Variants in ANKRD66 observed in about 807,000 individuals in gnomAD.
ANKRD66 encodes ankyrin repeat domain 66.
A neutral mutation model predicts 10.9 loss-of-function variants in ANKRD66; 10 were observed. The observed-to-expected ratio is 0.91, with a 90% CI of 0.56 to 1.55. The LOEUF (loss-of-function observed/expected upper bound fraction) is 1.55, where lower values mean the gene tolerates loss of function less well. ANKRD66 is among the 40% of genes most tolerant of loss of function. The probability of loss-of-function intolerance (pLI) is 0.00; values close to 1 mark genes in which losing one functional copy is unlikely to be tolerated. For synonymous variants in ANKRD66, 85 were observed against 88.4 expected, an observed-to-expected ratio of 0.96 and a Z score of 0.22; for missense variants, 252 against 242.9, an observed-to-expected ratio of 1.04 and a Z score of -0.25.
At chr6:46,753,997 G>A in intron 4 of ANKRD66, 47 bp downstream of exon 4, 5 of 1,478,322 alleles carry the variant, frequency 3.4e-6, no homozygotes, top group Non-Finnish European at 4.6e-6. Context: ...AGGAACAGGA[G>A]TCTGTGATCA....
At position 46,746,937 on chromosome 6, in the gene ANKRD66, C is replaced by T. The variant is rs560054942; in HGVS notation, c.-150C>T. The T allele has an allele frequency of 1.2e-5, 19 of 1,535,328 alleles. No homozygotes were observed. The highest frequency in any genetic ancestry group is 1.2e-4 in the Admixed American group (6 of 50,978). On this transcript the variant is annotated 5_prime_UTR_variant, in exon 1 of 5. Coordinates refer to ENST00000565422, the MANE Select transcript of ANKRD66 (RefSeq NM_001162435.3). ...TTTCCATGGCATGGACACAACACTC[C>T]GGATGGTTAGGACTGCCTGTCAGCA...
At chr6:46,748,626 C>T (rs1766194601) in intron 1 of ANKRD66, among the ~76,000 whole-genome samples, 1 of 152,184 alleles carries the variant, frequency 6.6e-6, no homozygotes, top group Non-Finnish European at 1.5e-5. Flanking sequence ...ATAGTATGTA[C>T]AGAGCATCTA....
chr6:46,748,995 A>G (rs763734884), intron 1 of ANKRD66, among the ~76,000 whole-genome samples: 1 of 152,230 alleles, frequency 6.6e-6, no homozygotes, highest in Non-Finnish European at 1.5e-5. Flanking sequence ...CTAGCACACT[A>G]TGGTCTACAG....
At chr6:46,749,778 C>T in intron 1 of ANKRD66, 118 bp from the exon 2 acceptor site, 1 of 1,290,650 alleles carries the variant, frequency 7.7e-7, no homozygotes, top group Non-Finnish European at 1.0e-6. Flanking sequence ...CAGCTTAGGC[C>T]ACTTTTAGAG....
intron 3 of ANKRD66, among the ~76,000 whole-genome samples, chr6:46,752,972 T>G (rs576758627): frequency 6.6e-6 from 1 of 152,208 alleles, no homozygotes; most frequent in Non-Finnish European, 1.5e-5. Context: ...TTGTGATTCT[T>G]GTGTGGAGAA....
chr6:46,748,265 TA>T (rs1161170406), intron 1 of ANKRD66, among the ~76,000 whole-genome samples: 1 of 152,228 alleles, frequency 6.6e-6, no homozygotes, highest in Non-Finnish European at 1.5e-5. Flanking sequence ...TATGATTTTT[TA>T]GAATCGGCTT....
At chr6:46,750,034 G>C in intron 2 of ANKRD66, 55 bp downstream of exon 2, 1 of 888,070 alleles carries the variant, frequency 1.1e-6, no homozygotes, top group Non-Finnish European at 1.8e-6. Context: ...CCCAGGGGCT[G>C]CTGCTGCTGC....
intron 2 of ANKRD66, among the ~76,000 whole-genome samples, chr6:46,751,320 C>T (rs1766264208): frequency 6.6e-6 from 1 of 152,150 alleles, no homozygotes; most frequent in South Asian, 2.1e-4. Context: ...TGAAAGTGCT[C>T]CAGGGATTTC....
intron 4 of ANKRD66, chr6:46,757,000 G>A (rs1199069858): frequency 6.6e-6 from 1 of 152,140 alleles, no homozygotes; most frequent in Non-Finnish European, 1.5e-5. Context: ...GGATCAACAT[G>A]AAATATGATC....
intron 4 of ANKRD66, chr6:46,756,040 A>G: frequency 2.3e-6 from 1 of 437,912 alleles, no homozygotes; most frequent in South Asian, 1.7e-5. Flanking sequence ...CTGAAACTCC[A>G]CACCCATTAA....
rs1051248654 is a variant in ANKRD66, at chr6:46,759,017, C to G, written c.*96C>G. ...CCTTTCCATGACTTTACTCATAGAC[C>G]CTTACCCACCTGGCTTCTGCCCATG... On this transcript the variant is annotated 3_prime_UTR_variant, in exon 5 of 5. Transcript: ENST00000565422. The G allele has an allele frequency of 1.6e-6, 2 of 1,246,812 alleles. No homozygotes were observed. The highest frequency in any genetic ancestry group is 2.2e-6 in the Non-Finnish European group (2 of 915,604). 77.2% of individuals were successfully genotyped at this position (1,246,812 alleles called of 1,614,324 possible). A position where few individuals can be genotyped will look rare whatever the true frequency, so the allele number is the denominator to read the frequency against.
rs1190448814 is a variant in ANKRD66, at chr6:46,751,966, G to A, written c.18G>A (p.Met6Ile). The change falls in exon 3 of 5, where the codon ATG becomes ATA. Residue 6 changes from methionine (M) to isoleucine (I), a missense_variant. Met to Ile is a conservative substitution (Grantham distance 10, BLOSUM62 1). Coordinates refer to ENST00000565422, the MANE Select transcript of ANKRD66 (RefSeq NM_001162435.3). Reference protein sequence around the residue: MELAKMSDMTKLHQAV... With the variant: MELAKISDMTKLHQAV... Reference sequence around the variant, plus strand: ...TTTCTGCCATGGAATTGGCCAAAATGTCAGACATGACAAAGCTTCACCAAG... The same window carrying A: ...TTTCTGCCATGGAATTGGCCAAAATATCAGACATGACAAAGCTTCACCAAG... 5.4e-6 allele frequency: 8 copies of A among 1,468,122 alleles called. No homozygotes were observed. The highest frequency in any genetic ancestry group is 7.2e-6 in the Non-Finnish European group (8 of 1,112,462). The allele number at this position is 1,468,122 out of a possible 1,614,324, so 90.9% of individuals were successfully genotyped here.
At position 46,747,068 on chromosome 6, in the gene ANKRD66, T is replaced by C. The variant is rs530079360; in HGVS notation, c.-97+78T>C. The C allele has an allele frequency of 3.5e-4, 490 of 1,411,120 alleles. 1 individual carries two copies. In the African/African-American group the frequency reaches 6.0e-3, roughly 17 times the overall value. The allele number at this position is 1,411,120 out of a possible 1,614,324, so 87.4% of individuals were successfully genotyped here. A position where few individuals can be genotyped will look rare whatever the true frequency, so the allele number is the denominator to read the frequency against. ...TCACATTTATTAAAACTGATATTTA[T>C]TGACTACTTTGCACTTGATTTCCTA... On this transcript the variant is annotated intron_variant, in intron 1 of 4. Transcript: ENST00000565422.
At chr6:46,749,850 G>C in intron 1 of ANKRD66, 46 bp from the exon 2 acceptor site, 1 of 1,533,084 alleles carries the variant, frequency 6.5e-7, no homozygotes, top group South Asian at 1.2e-5. Context: ...TGGGCATTTA[G>C]GGCATTGCAT....
chr6:46,753,308 G>C (rs1489705129), intron 3 of ANKRD66, among the ~76,000 whole-genome samples: 1 of 152,228 alleles, frequency 6.6e-6, no homozygotes, highest in Non-Finnish European at 1.5e-5. Flanking sequence ...CTCTTAACCT[G>C]TGTTATTTAT....
chr6:46,750,016 A>G (rs1333736561), intron 2 of ANKRD66, 37 bp downstream of exon 2: 1 of 1,150,268 alleles, frequency 8.7e-7, no homozygotes, highest in South Asian at 1.3e-5. Context: ...TTGCATTTCT[A>G]ACAAGTTCCC....
intron 4 of ANKRD66, among the ~76,000 whole-genome samples, chr6:46,755,723 A>G (rs2150728149): frequency 6.6e-6 from 1 of 152,318 alleles, no homozygotes; most frequent in East Asian, 1.9e-4. Context: ...AAACAAACAA[A>G]AAGTTAGAGG....
intron 3 of ANKRD66, among the ~76,000 whole-genome samples, chr6:46,753,106 G>T (rs966462905): frequency 1.6e-4 from 25 of 152,136 alleles, no homozygotes; most frequent in Non-Finnish European, 3.1e-4. Context: ...TATGTGCTGG[G>T]CACTGTGCTG....
In ANKRD66 at chr6:46,752,067, T is replaced by C; in HGVS notation, c.119T>C (p.Val40Ala). The C allele has an allele frequency of 6.5e-7, 1 of 1,530,872 alleles. No homozygotes were observed. Among genetic ancestry groups the C allele is most frequent in the Non-Finnish European group, 8.8e-7 (1 of 1,138,328 alleles). The allele number at this position is 1,530,872 out of a possible 1,614,324, so 94.8% of individuals were successfully genotyped here. ...KGLCDPNYKDVDWNDRTPLHW... is the reference protein window; with the variant it reads ...KGLCDPNYKDADWNDRTPLHW... Reference sequence around the variant, plus strand: ...CTCTGTGACCCAAACTACAAAGATGTAGACTGGAATGACCGGACCCCACTT... The same window carrying C: ...CTCTGTGACCCAAACTACAAAGATGCAGACTGGAATGACCGGACCCCACTT... Residue 40 changes from valine (V) to alanine (A), a missense_variant, in exon 3 of 5, where the codon GTA becomes GCA. Coordinates refer to ENST00000565422, the MANE Select transcript of ANKRD66 (RefSeq NM_001162435.3).
Sources: allele counts gnomAD v4.1 joint callset (sites outside exome capture counted in the v4.1 genomes callset), GRCh38; gene constraint gnomAD v4.1.1; transcripts MANE v1.5; gene names NCBI Gene and HGNC (gene_info 2026-07-23, HGNC 2026-07-21).